The following PNISR variants were observed in gnomAD, a reference collection of about 807,000 sequenced individuals.
The protein encoded by PNISR is arginine/serine-rich protein PNISR.
A neutral mutation model predicts 93.4 loss-of-function variants in PNISR; 20 were observed. The ratio of observed to expected loss-of-function variants is 0.21; its 90% CI spans 0.15 to 0.31. The LOEUF is 0.31. PNISR is among the 10% of genes least tolerant of loss of function. The pLI is 1.00. For missense variants in PNISR, 893 were observed against 985.4 expected (o/e 0.91, Z 1.25); for synonymous variants, 305 against 306.5 (o/e 0.99, Z 0.05).
chr6:99,412,414 A>G (rs992883134), intron 4 of PNISR, 137 bp downstream of exon 4: 2 of 729,428 alleles, frequency 2.7e-6, no homozygotes, highest in East Asian at 2.7e-5. Context: ...TCAAAGTCAA[A>G]TCAAATTGAA....
chr6:99,413,391 TATCCATCCATCCATCC>T (rs34008318), intron 3 of PNISR, among the ~76,000 whole-genome samples: 60 of 149,614 alleles, frequency 4.0e-4, no homozygotes, highest in Non-Finnish European at 5.3e-4. Context: ...TTTACGTATC[TATCCATCCATCCATCC>T]ATCCATCCAT....
chr6:99,401,706 G>A (rs1192166750), intron 11 of PNISR, 76 bp from the exon 12 acceptor site: 7 of 1,175,012 alleles, frequency 6.0e-6, no homozygotes, highest in Non-Finnish European at 1.2e-6. Flanking sequence ...CAAGCTACCA[G>A]ACTGTAACAA....
At chr6:99,420,867 C>T (rs1778463251) in intron 1 of PNISR, among the ~76,000 whole-genome samples, 1 of 152,104 alleles carries the variant, frequency 6.6e-6, no homozygotes, top group Non-Finnish European at 1.5e-5. Context: ...TTTGTCTTGG[C>T]TCAAACAAAA....
At position 99,403,401 on chromosome 6, in the gene PNISR, C is replaced by T. The variant is rs77751013; in HGVS notation, c.1156+428G>A. ...TCCTCTATATTAAAACTTGACTTGC[C>T]GCAACACAATCTATGTAAGTTATTA... On this transcript the variant is annotated intron_variant, in intron 10 of 11. Coordinates refer to ENST00000369239, the MANE Select transcript of PNISR (RefSeq NM_032870.4). 1,276 of 152,568 alleles carry T rather than the reference C, an allele frequency of 8.4e-3. 19 individuals are homozygous for T. The highest frequency in any genetic ancestry group is 0.03 in the African/African-American group (1,231 of 41,498). 9.5% of individuals were successfully genotyped at this position (152,568 alleles called of 1,614,324 possible). A position where few individuals can be genotyped will look rare whatever the true frequency, so the allele number is the denominator to read the frequency against.
At chr6:99,405,328 A>C (rs1358241608) in intron 8 of PNISR, among the ~76,000 whole-genome samples, 1 of 151,950 alleles carries the variant, frequency 6.6e-6, no homozygotes, top group Admixed American at 6.5e-5. Context: ...TTAGCCAGGC[A>C]TGGTGGTGGG....
chr6:99,404,404 C>T (rs17059510), intron 9 of PNISR, 199 bp downstream of exon 9: 6,946 of 578,144 alleles, frequency 0.012, 362 homozygotes, highest in African/African-American at 0.11. Context: ...CTAATTTGTA[C>T]TCATGTAGGT....
rs1425827872 is a variant in PNISR at position 99,406,000 on chromosome 6, C to T, written c.1002+31G>A. 4 of 1,527,568 alleles carry T rather than the reference C, an allele frequency of 2.6e-6. No homozygotes were observed. The South Asian group carries it at 3.6e-5, about 14-fold the overall frequency. 94.6% of individuals were successfully genotyped at this position (1,527,568 alleles called of 1,614,324 possible). ...AAAAAAATTGCAAACGAAATAAATCCATGTACATAGTAAGAACTTTAACAT... is the reference window on the plus strand; with the variant it reads ...AAAAAAATTGCAAACGAAATAAATCTATGTACATAGTAAGAACTTTAACAT... On this transcript the variant is annotated intron_variant, in intron 8 of 11. Coordinates refer to ENST00000369239, the MANE Select transcript of PNISR (RefSeq NM_032870.4).
intron 4 of PNISR, 48 bp from the exon 5 acceptor site, chr6:99,411,012 A>T (rs937555337): frequency 1.5e-6 from 2 of 1,362,818 alleles, no homozygotes; most frequent in Non-Finnish European, 2.1e-6. Context: ...GTTATAACAA[A>T]ATCAACACAG....
intron 9 of PNISR, 149 bp downstream of exon 9, chr6:99,404,454 T>C: frequency 1.5e-6 from 1 of 684,888 alleles, no homozygotes; most frequent in Non-Finnish European, 2.7e-6. Flanking sequence ...TAATATGGTG[T>C]CTACGAATCT....
chr6:99,400,885 T>C lies in PNISR; in HGVS notation c.2073A>G (p.Arg691=). Residue 691 remains arginine, a synonymous_variant, in exon 12 of 12, where the codon AGA becomes AGG. Transcript: ENST00000369239. The stretch of plus-strand genomic sequence containing the variant: ...TTTCTTCCCTTTTTTGTTTCTCTTT[T>C]CTTTTATCCTGTTCACGTTCCCTTT... ...DKEREREQDK[R]KEKQKREEKD... is the part of the protein sequence containing the mutation. The C allele has an allele frequency of 6.3e-7, 1 of 1,579,234 alleles. No individual in the cohort carries two copies.
At chr6:99,422,023 G>A (rs1418821291) in intron 1 of PNISR, among the ~76,000 whole-genome samples, 3 of 152,016 alleles carry the variant, frequency 2.0e-5, no homozygotes, top group South Asian at 2.1e-4. Flanking sequence ...ATGCCACCGC[G>A]CGAGGATAAT....
chr6:99,409,991 TTAA>T (rs1776698634), intron 5 of PNISR: 1 of 152,258 alleles, frequency 6.6e-6, no homozygotes, highest in African/African-American at 2.4e-5. Flanking sequence ...TGAATATTTA[TTAA>T]TGAGAGGATT....
In PNISR at chr6:99,399,400, C is replaced by T. The variant is rs1775201844; in HGVS notation, c.*1140G>A. ...TTAATGTCAGGAAATTGACACAAAC[C>T]TGCATAATACAGCATTCCTCCATTG... On this transcript the variant is annotated 3_prime_UTR_variant, in exon 12 of 12. Transcript: ENST00000369239. 6.6e-6 allele frequency: 1 copy of T among 152,094 alleles called. No homozygotes were observed. The highest frequency in any genetic ancestry group is 2.4e-5 in the African/African-American group (1 of 41,420). 9.4% of individuals were successfully genotyped at this position (152,094 alleles called of 1,614,324 possible). A position where few individuals can be genotyped will look rare whatever the true frequency, so the allele number is the denominator to read the frequency against.
At chr6:99,418,222 C>A (rs1777991176) in intron 1 of PNISR, among the ~76,000 whole-genome samples, 1 of 151,854 alleles carries the variant, frequency 6.6e-6, no homozygotes, top group Non-Finnish European at 1.5e-5. Flanking sequence ...ACTGCAACCT[C>A]TGCCTCCTGG....
In PNISR at chr6:99,419,187, AAAAG is replaced by A. The variant is rs1222243983; in HGVS notation, c.-111-2763_-111-2760del. Among the ~76,000 whole-genome samples the A allele has an allele frequency of 3.0e-4, 16 of 52,860 alleles. 3 individuals are homozygous for A. The highest frequency in any genetic ancestry group is 5.4e-4 in the Admixed American group (3 of 5,516). 34.7% of individuals were successfully genotyped at this position (52,860 alleles called of 152,430 possible). A position where few individuals can be genotyped will look rare whatever the true frequency, so the allele number is the denominator to read the frequency against. On this transcript the variant is annotated intron_variant, in intron 1 of 11. Coordinates refer to ENST00000369239, the MANE Select transcript of PNISR (RefSeq NM_032870.4). ...AAAAAAAAAAAAAAAAAAAAAAAAA[AAAAG>A]GGCAATTTACCATTATGGCATCTTA...
At position 99,401,414 on chromosome 6, in the gene PNISR, C is replaced by T. The variant is rs1000491571; in HGVS notation, c.1544G>A (p.Ser515Asn). 6.2e-7 allele frequency: 1 copy of T among 1,603,120 alleles called. No homozygotes were observed. The highest frequency in any genetic ancestry group is 8.5e-7 in the Non-Finnish European group (1 of 1,170,850). ...QGRSRSGSSS[S>N]GSSSSNSRTS... ...TCTGCTATTGCTACTGGAACTACCA[C>T]TACTAGAACTTCCCGACCTACTCCT... The change falls in exon 12 of 12, where the codon AGT becomes AAT. Residue 515 changes from serine (S) to asparagine (N), a missense_variant. Ser to Asn is a conservative substitution (Grantham distance 46). Coordinates refer to ENST00000369239, the MANE Select transcript of PNISR (RefSeq NM_032870.4).
chr6:99,409,119 T>C (rs1776519846), intron 6 of PNISR, 54 bp downstream of exon 6: 1 of 1,359,436 alleles, frequency 7.4e-7, no homozygotes, highest in Non-Finnish European at 1.0e-6. Flanking sequence ...ATCCTTTTTA[T>C]ATGATAAAAA....
In PNISR at chr6:99,400,716, T is replaced by C. The variant is rs1449301954; in HGVS notation, c.2242A>G (p.Ser748Gly). The C allele has an allele frequency of 6.2e-7, 1 of 1,612,878 alleles. No homozygotes were observed. Among genetic ancestry groups the C allele is most frequent in the Non-Finnish European group, 8.5e-7 (1 of 1,179,704 alleles). Residue 748 changes from serine (S) to glycine (G), a missense_variant, in exon 12 of 12, where the codon AGT becomes GGT. By Grantham distance (56) the Ser-to-Gly change is moderately conservative (BLOSUM62 0). Around this residue, in one of 3 missense-constraint regions of PNISR, gnomAD observed 866 missense variants for 935.1 expected, o/e 0.93. Coordinates refer to ENST00000369239, the MANE Select transcript of PNISR (RefSeq NM_032870.4). ...GAATCAGAGCCTGAATGTTTTTTAC[T>C]ATCTTTGGTAGTACTTTTCTTACTA... The part of the protein sequence containing the change: ...QDSKKSTTKD[S>G]KKHSGSDSSG...
Position 99,412,842 on chromosome 6 carries a change from AT to A in PNISR, c.89-104del. ...CTCAACTATTCCTTAGATCTTAAAT[AT>A]TTCAGACAGAGAGGGTATGAGGGAA... On this transcript the variant is annotated intron_variant, in intron 3 of 11. Coordinates refer to ENST00000369239, the MANE Select transcript of PNISR (RefSeq NM_032870.4). 3 of 730,760 alleles carry A rather than the reference AT, an allele frequency of 4.1e-6. No individual in the cohort carries two copies. The East Asian group carries it at 8.4e-5, about 20-fold the overall frequency. 45.3% of individuals were successfully genotyped at this position (730,760 alleles called of 1,614,324 possible).
Sources: allele counts gnomAD v4.1 joint callset (sites outside exome capture counted in the v4.1 genomes callset), GRCh38; gene constraint gnomAD v4.1.1; regional missense constraint gnomAD v4.1.1; transcripts MANE v1.5; gene names NCBI Gene and HGNC (gene_info 2026-07-23, HGNC 2026-07-21).